MYO5B: variants seen among roughly 807,000 people sequenced by gnomAD.
The protein encoded by MYO5B is unconventional myosin-Vb.
A neutral mutation model predicts 229.3 loss-of-function variants in MYO5B; 143 were observed. The ratio of observed to expected loss-of-function variants is 0.62; its 90% CI spans 0.54 to 0.72. MYO5B has a LOEUF of 0.72. Ranked by LOEUF, MYO5B falls within the 30% of genes least tolerant of loss-of-function variation. The probability of loss-of-function intolerance (pLI) is 0.00; values close to 1 mark genes in which losing one functional copy is unlikely to be tolerated. For synonymous variants in MYO5B, 918 were observed against 885.2 expected (o/e 1.04, Z -0.66); for missense variants, 2,321 against 2,331.0 (o/e 1.00, Z 0.09).
chr18:50,127,247 C>T (rs1006590132), intron 1 of MYO5B, among the ~76,000 whole-genome samples: 5 of 152,192 alleles, frequency 3.3e-5, no homozygotes, highest in Non-Finnish European at 4.4e-5. Context: ...ATTTGGGCAC[C>T]TATTATATAC....
intron 1 of MYO5B, among the ~76,000 whole-genome samples, chr18:50,194,087 C>A (rs1291037426): frequency 6.6e-6 from 1 of 152,226 alleles, no homozygotes; most frequent in Non-Finnish European, 1.5e-5. Flanking sequence ...AAAGAGGCCG[C>A]GTCAAAACAT....
At chr18:50,128,838 C>G (rs1159315458) in intron 1 of MYO5B, among the ~76,000 whole-genome samples, 1 of 152,176 alleles carries the variant, frequency 6.6e-6, no homozygotes, top group Non-Finnish European at 1.5e-5. Context: ...GAGGAAGTGG[C>G]CCAGTGAGAA....
intron 2 of MYO5B, among the ~76,000 whole-genome samples, chr18:50,042,648 C>A (rs2030054630): frequency 1.3e-5 from 2 of 152,134 alleles, no homozygotes; most frequent in South Asian, 4.1e-4. Context: ...GCTTCTTCAT[C>A]CACTGTTCCT....
intron 17 of MYO5B, among the ~76,000 whole-genome samples, chr18:49,913,191 A>G (rs1438852082): frequency 1.3e-5 from 2 of 152,206 alleles, no homozygotes; most frequent in Non-Finnish European, 2.9e-5. Context: ...TGGGAGGGGA[A>G]TCTTTAAAGA....
intron 22 of MYO5B, among the ~76,000 whole-genome samples, chr18:49,884,185 G>C (rs886192585): frequency 6.6e-6 from 1 of 151,972 alleles, no homozygotes; most frequent in Non-Finnish European, 1.5e-5. Flanking sequence ...GAAAGTGAAA[G>C]GGCAACCCAC....
intron 2 of MYO5B, among the ~76,000 whole-genome samples, chr18:50,050,075 G>A (rs921839577): frequency 2.0e-5 from 3 of 152,086 alleles, no homozygotes; most frequent in African/African-American, 4.8e-5. Flanking sequence ...TATACTTTAT[G>A]CTGAAACATT....
chr18:50,136,291 C>T (rs1253481468), intron 1 of MYO5B, among the ~76,000 whole-genome samples: 2 of 152,050 alleles, frequency 1.3e-5, no homozygotes, highest in African/African-American at 4.8e-5. Flanking sequence ...TAAGATACAC[C>T]CATAATACTA....
chr18:50,071,572 C>T (rs1327732820), intron 1 of MYO5B, among the ~76,000 whole-genome samples: 1 of 152,222 alleles, frequency 6.6e-6, no homozygotes, highest in African/African-American at 2.4e-5. Context: ...ACAGGGCTGT[C>T]ACCAGCTCGA....
chr18:49,937,534 A>G (rs1056121905), intron 14 of MYO5B, 137 bp from the exon 15 acceptor site: 19 of 1,026,430 alleles, frequency 1.9e-5, no homozygotes, highest in Non-Finnish European at 2.6e-5. Flanking sequence ...CAACCTGCAC[A>G]GCAGCGTTAC....
chr18:49,832,455 G>T (rs1466768887), intron 39 of MYO5B, among the ~76,000 whole-genome samples: 1 of 152,176 alleles, frequency 6.6e-6, no homozygotes, highest in Non-Finnish European at 1.5e-5. Context: ...TGGGAGTATT[G>T]CCAAAAAGGA....
chr18:49,857,846 T>C (rs1285408324), intron 29 of MYO5B, among the ~76,000 whole-genome samples: 1 of 152,086 alleles, frequency 6.6e-6, no homozygotes, highest in Non-Finnish European at 1.5e-5. Flanking sequence ...CAGAGTTGGG[T>C]GGAGGAGGGC....
intron 2 of MYO5B, among the ~76,000 whole-genome samples, chr18:50,041,876 T>C (rs984159622): frequency 6.6e-6 from 1 of 152,220 alleles, no homozygotes; most frequent in African/African-American, 2.4e-5. Flanking sequence ...CATCATACAA[T>C]GGAATTCCTA....
chr18:50,086,930 A>G (rs1490501949), intron 1 of MYO5B, among the ~76,000 whole-genome samples: 1 of 152,146 alleles, frequency 6.6e-6, no homozygotes, highest in Non-Finnish European at 1.5e-5. Context: ...ATAGAACCAA[A>G]AAGGATACCA....
At chr18:49,895,341 A>G (rs937245031) in intron 21 of MYO5B, among the ~76,000 whole-genome samples, 167 bp from the exon 22 acceptor site, 1 of 152,232 alleles carries the variant, frequency 6.6e-6, no homozygotes, top group Non-Finnish European at 1.5e-5. Flanking sequence ...TCCCTAACAA[A>G]ACACTAATGT....
chr18:49,978,680 T>C (rs2025779914), intron 9 of MYO5B, among the ~76,000 whole-genome samples: 1 of 140,272 alleles, frequency 7.1e-6, no homozygotes, highest in Admixed American at 7.4e-5. Context: ...AGGAGAAAGG[T>C]AGGCAGCAAG....
rs754439733 is a variant in MYO5B at position 50,051,073 on chromosome 18, G to A, written c.138+4195C>T. On this transcript the variant is annotated intron_variant, in intron 2 of 39. Transcript: ENST00000285039. ...TGCAGGTATAACATGCCCAAACCAA[G>A]ATAGTGATTCCACATATTGGCAGCT... Among the ~76,000 whole-genome samples, 10 of 152,332 alleles carry A rather than the reference G, an allele frequency of 6.6e-5. No homozygotes were observed. The South Asian group carries it at 2.1e-3, about 32-fold the overall frequency.
intron 4 of MYO5B, among the ~76,000 whole-genome samples, chr18:50,008,599 T>C (rs1051231034): frequency 6.6e-6 from 1 of 152,116 alleles, no homozygotes; most frequent in African/African-American, 2.4e-5. Context: ...TCTATTTACC[T>C]GAATTGGAAA....
At chr18:50,172,288 C>CAAAAAAAAAAAAA (rs55973734) in intron 1 of MYO5B, among the ~76,000 whole-genome samples, 1 of 90,504 alleles carries the variant, frequency 1.1e-5, no homozygotes, top group Admixed American at 1.2e-4. Flanking sequence ...CAAAAAAAGA[C>CAAAAAAAAAAAAA]AAAAAAAAAA....
At chr18:50,043,093 G>T (rs1024027014) in intron 2 of MYO5B, among the ~76,000 whole-genome samples, 1 of 151,150 alleles carries the variant, frequency 6.6e-6, no homozygotes, top group African/African-American at 2.4e-5. Context: ...TATCTACCCA[G>T]AGGAAAAGAA....
Sources: gnomAD v4.1 joint callset for allele counts (sites outside exome capture counted in the v4.1 genomes callset) on GRCh38, gnomAD v4.1.1 for gene constraint, MANE v1.5 for transcripts, NCBI Gene and HGNC (gene_info 2026-07-23, HGNC 2026-07-21) for gene names.